Variants in ANKFN1 observed in about 807,000 individuals in gnomAD.
The protein encoded by ANKFN1 is ankyrin repeat and fibronectin type-III domain-containing protein 1.
A neutral mutation model predicts 108.7 loss-of-function variants in ANKFN1; 74 were observed. The ratio of observed to expected loss-of-function variants is 0.68; its 90% CI spans 0.56 to 0.83. The LOEUF is 0.83. Ranked by LOEUF, ANKFN1 falls within the 40% of genes least tolerant of loss-of-function variation. ANKFN1 has a pLI of 0.00. For missense variants in ANKFN1, 1,505 were observed against 1,382.3 expected (o/e 1.09, Z -1.41); for synonymous variants, 547 against 516.2 (o/e 1.06, Z -0.81).
chr17:56,477,742 A>T, intron 16 of ANKFN1, 88 bp downstream of exon 16: 1 of 1,454,786 alleles, frequency 6.9e-7, no homozygotes, highest in African/African-American at 1.4e-5. Flanking sequence ...CTGAAGTGTT[A>T]CTTCCAGGGC....
At chr17:56,271,907 C>T (rs887272110) in intron 3 of ANKFN1, among the ~76,000 whole-genome samples, 2 of 152,116 alleles carry the variant, frequency 1.3e-5, no homozygotes, top group Non-Finnish European at 2.9e-5. Flanking sequence ...ATGATAGCAG[C>T]ATGTTGTATA....
chr17:56,215,583 G>C (rs1046147428), intron 2 of ANKFN1, among the ~76,000 whole-genome samples: 1 of 152,196 alleles, frequency 6.6e-6, no homozygotes, highest in Non-Finnish European at 1.5e-5. Context: ...CCCAAGCATA[G>C]GTTTTTCACT....
At chr17:56,204,190 G>T (rs943275088) in intron 1 of ANKFN1, among the ~76,000 whole-genome samples, 1 of 152,110 alleles carries the variant, frequency 6.6e-6, no homozygotes, top group African/African-American at 2.4e-5. Flanking sequence ...GGGATTACAG[G>T]TGCCCGCCAC....
intron 4 of ANKFN1, among the ~76,000 whole-genome samples, chr17:56,132,516 C>G (rs1046255259): frequency 6.6e-6 from 1 of 152,106 alleles, no homozygotes; most frequent in Non-Finnish European, 1.5e-5. Context: ...AAGACTGTCT[C>G]TAATGGGTTT....
chr17:56,071,525 C>T (rs189831366), intron 4 of ANKFN1, among the ~76,000 whole-genome samples: 4,110 of 152,274 alleles, frequency 0.027, 181 homozygotes, highest in African/African-American at 0.093. Flanking sequence ...CCCTCCTTTA[C>T]ATATCAACTG....
At chr17:56,136,486 A>G (rs1907606754) in intron 4 of ANKFN1, among the ~76,000 whole-genome samples, 1 of 152,232 alleles carries the variant, frequency 6.6e-6, no homozygotes. Flanking sequence ...GACTGGGAAG[A>G]ATGTATTTGG....
chr17:56,128,234 CTTT>C (rs34450862), intron 4 of ANKFN1, among the ~76,000 whole-genome samples: 1 of 146,562 alleles, frequency 6.8e-6, no homozygotes, highest in African/African-American at 2.5e-5. Flanking sequence ...GCCAATAGCC[CTTT>C]TTTTTTTTTT....
intron 4 of ANKFN1, among the ~76,000 whole-genome samples, chr17:56,145,941 C>G (rs766755450): frequency 2.0e-5 from 3 of 152,178 alleles, no homozygotes; most frequent in Non-Finnish European, 2.9e-5. Flanking sequence ...TGAGACAAGA[C>G]AAGTTCCTTC....
At chr17:56,152,527 T>C (rs1325730749), upstream of ANKFN1, among the ~76,000 whole-genome samples, 1 of 152,046 alleles carries the variant, frequency 6.6e-6, no homozygotes, top group Admixed American at 6.6e-5. Context: ...GGCTCTGGGC[T>C]CAAGTCCTCT....
intron 4 of ANKFN1, among the ~76,000 whole-genome samples, chr17:56,144,370 T>G (rs1361198163): frequency 6.6e-6 from 1 of 152,104 alleles, no homozygotes; most frequent in East Asian, 1.9e-4. Context: ...CAGGTGGACT[T>G]CTAGAACTAT....
intron 9 of ANKFN1, 133 bp downstream of exon 9, chr17:56,440,557 A>T: frequency 1.6e-6 from 1 of 609,332 alleles, no homozygotes; most frequent in Non-Finnish European, 2.9e-6. Context: ...ATTAAGCATG[A>T]TATGTCTGGT....
At chr17:56,441,800 C>A (rs559687307) in intron 9 of ANKFN1, among the ~76,000 whole-genome samples, 30 of 152,220 alleles carry the variant, frequency 2.0e-4, no homozygotes, top group African/African-American at 7.0e-4. Context: ...ATCTCTATAA[C>A]TTTGAGGGTC....
intron 1 of ANKFN1, among the ~76,000 whole-genome samples, chr17:56,168,411 G>C (rs931181643): frequency 5.3e-5 from 8 of 152,038 alleles, no homozygotes; most frequent in Non-Finnish European, 1.0e-4. Context: ...CTAATGAATT[G>C]GGACAAGTTG....
At chr17:56,141,370 C>T (rs985846155) in intron 4 of ANKFN1, among the ~76,000 whole-genome samples, 8 of 152,042 alleles carry the variant, frequency 5.3e-5, no homozygotes, top group African/African-American at 1.7e-4. Flanking sequence ...GGGCAGCTGG[C>T]GATTTCCCCT....
At chr17:56,262,550 C>A (rs1242455900) in intron 3 of ANKFN1, among the ~76,000 whole-genome samples, 1 of 152,136 alleles carries the variant, frequency 6.6e-6, no homozygotes, top group African/African-American at 2.4e-5. Flanking sequence ...AGACTTTCAG[C>A]AACCGTATTC....
At chr17:56,111,859 T>A (rs1188559756) in intron 4 of ANKFN1, among the ~76,000 whole-genome samples, 1 of 152,180 alleles carries the variant, frequency 6.6e-6, no homozygotes, top group Non-Finnish European at 1.5e-5. Context: ...GAAGAGCACT[T>A]GAAATCATAA....
Position 56,224,111 on chromosome 17 carries a change from C to T in ANKFN1, c.13-3806C>T, listed in dbSNP as rs149308883. Among the ~76,000 whole-genome samples the T allele has an allele frequency of 1.9e-4, 29 of 152,340 alleles. No individual in the cohort carries two copies. In the East Asian group the frequency reaches 2.9e-3, roughly 15 times the overall value. The stretch of plus-strand genomic sequence containing the variant: ...AGAGCCCCTACAACTCTTGACATCA[C>T]ATCCCTATGCCTTCATCACATAGTC... On this transcript the variant is annotated intron_variant, in intron 2 of 20. Coordinates refer to ENST00000682825, the MANE Select transcript of ANKFN1 (RefSeq NM_001370326.1).
intron 3 of ANKFN1, among the ~76,000 whole-genome samples, chr17:56,265,331 A>G (rs2043620731): frequency 6.6e-6 from 1 of 152,214 alleles, no homozygotes; most frequent in Non-Finnish European, 1.5e-5. Flanking sequence ...CTTCTTCACA[A>G]GGTATCAGGC....
intron 3 of ANKFN1, among the ~76,000 whole-genome samples, chr17:56,307,431 A>G (rs566548579): frequency 6.6e-6 from 1 of 152,370 alleles, no homozygotes; most frequent in Admixed American, 6.5e-5. Context: ...GTGAACAGAC[A>G]CTTCTCAAAA....
Sources: gnomAD v4.1 joint callset for allele counts (sites outside exome capture counted in the v4.1 genomes callset) on GRCh38, gnomAD v4.1.1 for gene constraint, MANE v1.5 for transcripts, NCBI Gene and HGNC (gene_info 2026-07-23, HGNC 2026-07-21) for gene names.